RPA2: variants seen among roughly 807,000 people sequenced by gnomAD.
The protein encoded by RPA2 is replication protein A 32 kDa subunit.
A neutral mutation model predicts 33.4 loss-of-function variants in RPA2; 22 were observed. That is an observed-to-expected ratio of 0.66 (90% CI 0.47 to 0.94). RPA2 has a LOEUF of 0.94. RPA2 is among the 40% of genes least tolerant of loss of function. The pLI is 0.00. For missense variants in RPA2, 279 were observed against 329.9 expected (o/e 0.85, Z 1.19); for synonymous variants, 109 against 114.9 (o/e 0.95, Z 0.33).
In RPA2 at chr1:27,893,999, A is replaced by G. The variant is rs770057518; in HGVS notation, c.728+13T>C. On this transcript the variant is annotated intron_variant, in intron 8 of 8. Transcript: ENST00000373912. ...AATGCCAGAGCCTGAGCTCATGAAA[A>G]TCAAATACTTACTTGATTGAGGATA... The G allele has an allele frequency of 6.2e-7, 1 of 1,607,590 alleles. No individual in the cohort carries two copies. The highest frequency in any genetic ancestry group is 8.5e-7 in the Non-Finnish European group (1 of 1,174,080).
intron 2 of RPA2, among the ~76,000 whole-genome samples, chr1:27,910,969 A>C (rs1193060415): frequency 6.6e-6 from 1 of 152,148 alleles, no homozygotes; most frequent in South Asian, 2.1e-4. Context: ...TAATCCCAAC[A>C]CTTTGGGAGG....
chr1:27,893,466 C>T (rs2089850049), intron 8 of RPA2, among the ~76,000 whole-genome samples: 1 of 151,928 alleles, frequency 6.6e-6, no homozygotes. Context: ...CCACTGTGCC[C>T]GGCTAATTTG....
At position 27,894,029 on chromosome 1, in the gene RPA2, C is replaced by T. The variant is rs760520445; in HGVS notation, c.711G>A (p.Met237Ile). 6 of 1,613,878 alleles carry T rather than the reference C, an allele frequency of 3.7e-6. No individual in the cohort carries two copies. Among genetic ancestry groups the T allele is most frequent in the Middle Eastern group, 1.6e-4 (1 of 6,084 alleles). The change falls in exon 8 of 9, where the codon ATG becomes ATA. Residue 237 changes from methionine to isoleucine, a missense_variant. Transcript: ENST00000373912. ...FQDLKNQLKH[M>I]SVSSIKQAVD... Reference sequence around the variant, plus strand: ...ATACTTACTTGATTGAGGATACAGACATGTGTTTCAGCTGGTTCTTGAGAT... The same window carrying T: ...ATACTTACTTGATTGAGGATACAGATATGTGTTTCAGCTGGTTCTTGAGAT...
chr1:27,902,735 G>A (rs2089982746), intron 4 of RPA2, among the ~76,000 whole-genome samples: 2 of 151,866 alleles, frequency 1.3e-5, no homozygotes, highest in South Asian at 2.1e-4. Context: ...CTTAAACCCA[G>A]GAGTTTGAGA....
chr1:27,906,792 C>A (rs1330199054), intron 4 of RPA2, 136 bp downstream of exon 4: 5 of 612,432 alleles, frequency 8.2e-6, no homozygotes, highest in African/African-American at 5.6e-5. Flanking sequence ...AATCTACTAA[C>A]CTTTTACTTT....
At chr1:27,913,916 C>A in intron 2 of RPA2, 147 bp downstream of exon 2, 1 of 801,844 alleles carries the variant, frequency 1.2e-6, no homozygotes, top group Non-Finnish European at 1.8e-6. Flanking sequence ...ACTTACAGCA[C>A]TTAATTATAA....
At chr1:27,893,639 G>T (rs1375398501) in intron 8 of RPA2, among the ~76,000 whole-genome samples, 7 of 150,800 alleles carry the variant, frequency 4.6e-5, no homozygotes, top group African/African-American at 1.7e-4. Context: ...ATGGAATCTC[G>T]CTCTGTCACC....
intron 5 of RPA2, among the ~76,000 whole-genome samples, 169 bp from the exon 6 acceptor site, chr1:27,897,290 A>C (rs925499341): frequency 2.0e-5 from 3 of 150,922 alleles, no homozygotes; most frequent in Admixed American, 6.7e-5. Flanking sequence ...GAGAAAAAAA[A>C]CTAAAACTAA....
At chr1:27,898,154 G>A (rs377556666) in intron 4 of RPA2, among the ~76,000 whole-genome samples, 4 of 151,922 alleles carry the variant, frequency 2.6e-5, no homozygotes, top group Non-Finnish European at 4.4e-5. Context: ...CCGCCACCAC[G>A]CCCGGCAGGC....
At chr1:27,901,253 TCA>T (rs2089963407) in intron 4 of RPA2, among the ~76,000 whole-genome samples, 5 of 152,146 alleles carry the variant, frequency 3.3e-5, no homozygotes. Flanking sequence ...ACCACCCTCC[TCA>T]GTCAGCAGCC....
At position 27,894,122 on chromosome 1, in the gene RPA2, A is replaced by G; in HGVS notation, c.634-16T>C. 1 of 1,609,980 alleles carries G rather than the reference A, an allele frequency of 6.2e-7. No homozygotes were observed. The highest frequency in any genetic ancestry group is 8.5e-7 in the Non-Finnish European group (1 of 1,176,354). ...AATTCAACACCTGAAGATTCAAATC[A>G]GAAAGATTTTAGCAATTATTTTGGA... On this transcript the variant is annotated splice_polypyrimidine_tract_variant and intron_variant, in intron 7 of 8. Transcript: ENST00000373912.
intron 4 of RPA2, among the ~76,000 whole-genome samples, chr1:27,898,151 C>A (rs951364607): frequency 6.6e-6 from 1 of 152,162 alleles, no homozygotes; most frequent in Non-Finnish European, 1.5e-5. Context: ...CGCCCGCCAC[C>A]ACGCCCGGCA....
intron 6 of RPA2, among the ~76,000 whole-genome samples, chr1:27,895,963 G>A (rs919036527): frequency 2.1e-4 from 32 of 151,934 alleles, no homozygotes; most frequent in African/African-American, 7.5e-4. Flanking sequence ...TAGTCCCTCT[G>A]GTTTAGAATG....
chr1:27,911,271 A>G (rs2090092804), intron 2 of RPA2, among the ~76,000 whole-genome samples: 1 of 152,010 alleles, frequency 6.6e-6, no homozygotes, highest in Non-Finnish European at 1.5e-5. Flanking sequence ...CATGCCTGTA[A>G]TACCAGCACC....
chr1:27,912,923 G>A (rs1884469), intron 2 of RPA2, among the ~76,000 whole-genome samples: 66,694 of 151,956 alleles, frequency 0.44, 15,296 homozygotes, highest in African/African-American at 0.58. Flanking sequence ...GCACGGCAAC[G>A]GCAGAACACA....
intron 4 of RPA2, among the ~76,000 whole-genome samples, chr1:27,904,515 G>A (rs1407378870): frequency 2.6e-5 from 4 of 152,138 alleles, no homozygotes; most frequent in African/African-American, 7.2e-5. Flanking sequence ...GCACAGTCTA[G>A]TTCAGAATTG....
intron 4 of RPA2, among the ~76,000 whole-genome samples, chr1:27,898,908 A>T (rs1027816497): frequency 7.2e-5 from 11 of 151,982 alleles, no homozygotes; most frequent in Non-Finnish European, 1.5e-4. Context: ...GTATTACTTT[A>T]AAAAAAATTG....
At chr1:27,901,416 G>A (rs781522529) in intron 4 of RPA2, among the ~76,000 whole-genome samples, 6 of 150,686 alleles carry the variant, frequency 4.0e-5, no homozygotes, top group Non-Finnish European at 8.9e-5. Flanking sequence ...AGGCTGGAGT[G>A]CAATGGCGCG....
In RPA2 at chr1:27,914,060, T is replaced by A; in HGVS notation, c.117+3A>T. The A allele has an allele frequency of 1.3e-6, 2 of 1,586,498 alleles. No individual in the cohort carries two copies. Among genetic ancestry groups the A allele is most frequent in the Non-Finnish European group, 1.7e-6 (2 of 1,166,772 alleles). ...ACAAAACTAAATACTCCTTTCAACC[T>A]ACTGATTTCTTTTCGGCTTGAGAAG... On this transcript the variant is annotated splice_donor_region_variant and intron_variant, in intron 2 of 8. Transcript: ENST00000373912.
Sources: gnomAD v4.1 joint callset for allele counts (sites outside exome capture counted in the v4.1 genomes callset) on GRCh38, gnomAD v4.1.1 for gene constraint, MANE v1.5 for transcripts, NCBI Gene and HGNC (gene_info 2026-07-23, HGNC 2026-07-21) for gene names.